DACH2: variants seen among roughly 807,000 people sequenced by gnomAD.
DACH2 encodes dachshund homolog 2.
A neutral mutation model predicts 35.8 loss-of-function variants in DACH2; 17 were observed. The observed-to-expected ratio is 0.48, with a 90% CI of 0.33 to 0.71. DACH2 has a LOEUF of 0.71. Among genes scored for constraint, DACH2 ranks in the 30% least tolerant of loss-of-function variants. The probability of loss-of-function intolerance (pLI) is 0.02; values close to 1 mark genes in which losing one functional copy is unlikely to be tolerated. For missense variants in DACH2, 469 were observed against 472.7 expected, an observed-to-expected ratio of 0.99 and a Z score of 0.07; for synonymous variants, 195 against 177.3, an observed-to-expected ratio of 1.10 and a Z score of -0.79.
chrX:86,596,089 G>A (rs2039707905), intron 3 of DACH2, among the ~76,000 whole-genome samples: 1 of 111,954 alleles, frequency 8.9e-6, no homozygotes, highest in South Asian at 3.6e-4. Context: ...GCAAGTATTA[G>A]TTCCCATTCT....
chrX:86,533,032 CA>C (rs754211388), intron 3 of DACH2, among the ~76,000 whole-genome samples: 1 of 104,166 alleles, frequency 9.6e-6, no homozygotes, highest in Non-Finnish European at 2.1e-5. Context: ...TAATAACTTA[CA>C]TTGTTTTATT....
intron 3 of DACH2, among the ~76,000 whole-genome samples, chrX:86,576,588 C>T (rs1050051516): frequency 1.2e-4 from 13 of 111,034 alleles, no homozygotes; most frequent in Non-Finnish European, 3.8e-5. Flanking sequence ...TAAAAATTTT[C>T]TTTTCAAAAT....
At chrX:86,279,223 C>A (rs2033977247) in intron 1 of DACH2, among the ~76,000 whole-genome samples, 1 of 111,957 alleles carries the variant, frequency 8.9e-6, no homozygotes, top group Non-Finnish European at 1.9e-5. Flanking sequence ...TCAAGTAGGT[C>A]CCTGACCCCT....
chrX:86,804,911 G>A (rs35078424), intron 7 of DACH2, among the ~76,000 whole-genome samples: 36,702 of 111,334 alleles, frequency 0.33, 4,839 homozygotes, highest in Middle Eastern at 0.43. Flanking sequence ...CAACCTCCAC[G>A]GTTACTCTCA....
At chrX:86,602,969 G>T (rs1046713634) in intron 3 of DACH2, among the ~76,000 whole-genome samples, 12 of 111,157 alleles carry the variant, frequency 1.1e-4, no homozygotes, top group Admixed American at 1.9e-4. Flanking sequence ...TAGGTCTATT[G>T]TATTAATTTG....
intron 2 of DACH2, among the ~76,000 whole-genome samples, chrX:86,492,233 T>C (rs1382431256): frequency 9.0e-6 from 1 of 111,070 alleles, no homozygotes; most frequent in African/African-American, 3.3e-5. Context: ...GTGTTTTGTT[T>C]TAGGAATAGA....
rs1261308320 is a variant in DACH2, at chrX:86,424,795, A to T, written c.527+47933A>T. On this transcript the variant is annotated intron_variant, in intron 2 of 11. Transcript: ENST00000373125. The stretch of plus-strand genomic sequence containing the variant: ...AAAGGCTTTCGGTTTTTCCCCAGTT[A>T]GTATGACACTTGCTGTAGGTCTGCT... Among the ~76,000 whole-genome samples, 3 of 111,377 alleles carry T rather than the reference A, an allele frequency of 2.7e-5. No homozygotes were observed. The East Asian group carries it at 8.4e-4, about 31-fold the overall frequency.
At chrX:86,334,180 A>T (rs1320059768) in intron 1 of DACH2, among the ~76,000 whole-genome samples, 1 of 112,063 alleles carries the variant, frequency 8.9e-6, no homozygotes, top group Non-Finnish European at 1.9e-5. Flanking sequence ...GTTGGTTCCA[A>T]GTCCTTGCTA....
rs757375478 is a variant in DACH2, at chrX:86,592,634, T to C, written c.641-58402T>C. 6.2e-5 allele frequency among the ~76,000 whole-genome samples: 7 copies of C among 112,485 alleles called. No homozygotes were observed. In the South Asian group the frequency reaches 2.6e-3, roughly 41 times the overall value. ...ATGTAGAACTGATATCTTAATTATA[T>C]TAATTGCTTACATCCATGAATGTAG... is the stretch of plus-strand genomic sequence containing the variant. On this transcript the variant is annotated intron_variant, in intron 3 of 11. Transcript: ENST00000373125.
chrX:86,191,668 C>T (rs5923498), intron 1 of DACH2, among the ~76,000 whole-genome samples: 45,854 of 110,552 alleles, frequency 0.41, 7,886 homozygotes, highest in Middle Eastern at 0.56. Flanking sequence ...TTTCTAGCCG[C>T]GGTGGCTCCC....
intron 5 of DACH2, among the ~76,000 whole-genome samples, chrX:86,695,797 G>A (rs369885089): frequency 1.8e-5 from 2 of 110,841 alleles, no homozygotes; most frequent in African/African-American, 6.6e-5. Flanking sequence ...ACAGGTGTGA[G>A]CCACCACACC....
intron 1 of DACH2, among the ~76,000 whole-genome samples, chrX:86,327,632 G>C (rs1211037764): frequency 8.9e-6 from 1 of 111,776 alleles, no homozygotes; most frequent in African/African-American, 3.3e-5. Context: ...GCTTTTCTGT[G>C]GTTTCAGTTA....
chrX:86,707,091 C>T (rs1211782361), intron 5 of DACH2, among the ~76,000 whole-genome samples: 2 of 110,400 alleles, frequency 1.8e-5, no homozygotes, highest in African/African-American at 6.6e-5. Context: ...TCATAAACCC[C>T]TAGGCAGGCT....
chrX:86,610,394 TTTC>T (rs2039921238), intron 3 of DACH2, among the ~76,000 whole-genome samples: 2 of 87,206 alleles, frequency 2.3e-5, no homozygotes, highest in Non-Finnish European at 4.3e-5. Context: ...TCTTTCTTTC[TTTC>T]TTTCTTTCTT....
At chrX:86,321,846 A>G (rs1303618799) in intron 1 of DACH2, among the ~76,000 whole-genome samples, 1 of 112,304 alleles carries the variant, frequency 8.9e-6, no homozygotes, top group African/African-American at 3.2e-5. Flanking sequence ...GAACCTGCAT[A>G]TATCCTTCTT....
intron 1 of DACH2, chrX:86,304,565 C>T (rs1016091238): frequency 1.3e-5 from 2 of 157,146 alleles, no homozygotes; most frequent in Non-Finnish European, 2.7e-5. Context: ...TTACGATAAC[C>T]AGGCTGGATA....
intron 7 of DACH2, among the ~76,000 whole-genome samples, chrX:86,745,537 T>C (rs944583357): frequency 3.6e-5 from 4 of 111,512 alleles, no homozygotes; most frequent in African/African-American, 1.3e-4. Context: ...TGTTCCTGCA[T>C]TAGTTCTCTC....
At chrX:86,568,869 G>A (rs768897809) in intron 3 of DACH2, among the ~76,000 whole-genome samples, 24 of 111,199 alleles carry the variant, frequency 2.2e-4, no homozygotes, top group Non-Finnish European at 4.0e-4. Context: ...CACAGTTATG[G>A]AGACATTGAT....
intron 1 of DACH2, among the ~76,000 whole-genome samples, chrX:86,228,356 G>C (rs1460189886): frequency 9.1e-6 from 1 of 109,581 alleles, no homozygotes; most frequent in Admixed American, 9.8e-5. Context: ...ATTTTGGTTG[G>C]TTCCACGATT....
Sources: gnomAD v4.1 joint callset for allele counts (sites outside exome capture counted in the v4.1 genomes callset) on GRCh38, gnomAD v4.1.1 for gene constraint, MANE v1.5 for transcripts, NCBI Gene and HGNC (gene_info 2026-07-23, HGNC 2026-07-21) for gene names.